FGF12: variants seen among roughly 807,000 people sequenced by gnomAD.
FGF12 encodes fibroblast growth factor 12.
A neutral mutation model predicts 23.6 loss-of-function variants in FGF12; 14 were observed. The ratio of observed to expected loss-of-function variants is 0.59; its 90% confidence interval spans 0.39 to 0.93. FGF12 has a LOEUF of 0.93. Ranked by LOEUF, FGF12 falls within the 40% of genes least tolerant of loss-of-function variation. The probability of loss-of-function intolerance (pLI) is 0.00; values close to 1 mark genes in which losing one functional copy is unlikely to be tolerated. For synonymous variants in FGF12, 62 were observed against 77.3 expected (o/e 0.80, Z 1.04); for missense variants, 175 against 217.8 (o/e 0.80, Z 1.24).
rs146883108 is a variant in FGF12, at chr3:192,179,219, T to TA, written c.229-8564dup. Among the ~76,000 whole-genome samples, 825 of 150,940 alleles carry TA rather than the reference T, an allele frequency of 5.5e-3. 11 individuals are homozygous for TA. Among genetic ancestry groups the TA allele is most frequent in the East Asian group, 0.033 (163 of 4,972 alleles). On this transcript the variant is annotated intron_variant, in intron 4 of 5. Transcript: ENST00000445105. Reference sequence around the variant, plus strand: ...CTAGAACAAGTCTAATTTTATAACTTAAAAAAAACAACTCTGCAGATACGG... The same window carrying TA: ...CTAGAACAAGTCTAATTTTATAACTTAAAAAAAAACAACTCTGCAGATACGG...
intron 2 of FGF12, among the ~76,000 whole-genome samples, chr3:192,578,011 G>A (rs1712981520): frequency 6.6e-6 from 1 of 152,120 alleles, no homozygotes; most frequent in African/African-American, 2.4e-5. Context: ...CTAGTGAAAG[G>A]GGTTATGGTT....
intron 2 of FGF12, among the ~76,000 whole-genome samples, chr3:192,475,242 C>T (rs1292548775): frequency 1.3e-5 from 2 of 152,138 alleles, no homozygotes; most frequent in African/African-American, 4.8e-5. Flanking sequence ...TGAAAGCACG[C>T]CAGGTAACCC....
chr3:192,254,376 AT>A (rs1300079635), intron 4 of FGF12, among the ~76,000 whole-genome samples: 1 of 151,878 alleles, frequency 6.6e-6, no homozygotes, highest in Non-Finnish European at 1.5e-5. Context: ...GCTGAAGTGT[AT>A]TTCATTGTGC....
intron 2 of FGF12, among the ~76,000 whole-genome samples, chr3:192,361,430 C>A (rs2108733657): frequency 6.6e-6 from 1 of 151,998 alleles, no homozygotes; most frequent in South Asian, 2.1e-4. Flanking sequence ...ATTCTAGTGC[C>A]CTTATAGCTC....
intron 2 of FGF12, among the ~76,000 whole-genome samples, chr3:192,641,594 C>T (rs1715810436): frequency 6.6e-6 from 1 of 151,474 alleles, no homozygotes; most frequent in African/African-American, 2.4e-5. Context: ...TTAGTAGAGA[C>T]GGGGTTTCTC....
intron 4 of FGF12, among the ~76,000 whole-genome samples, chr3:192,263,347 G>T (rs1712878326): frequency 1.3e-5 from 2 of 151,852 alleles, no homozygotes; most frequent in Admixed American, 1.3e-4. Flanking sequence ...CTGAAAATAT[G>T]GTCTTTGACT....
chr3:192,703,406 T>G (rs918387028), intron 2 of FGF12, among the ~76,000 whole-genome samples: 1 of 152,250 alleles, frequency 6.6e-6, no homozygotes, highest in Non-Finnish European at 1.5e-5. Context: ...CAGCAATTCG[T>G]AATCTTTTTG....
At chr3:192,353,503 A>G (rs1967622) in intron 3 of FGF12, among the ~76,000 whole-genome samples, 98,187 of 151,334 alleles carry the variant, frequency 0.65, 34,643 homozygotes, top group East Asian at 0.93. Flanking sequence ...CCGAGTAGCC[A>G]GGACTACAGG....
intron 2 of FGF12, among the ~76,000 whole-genome samples, chr3:192,573,488 A>G (rs1304938711): frequency 6.6e-6 from 1 of 152,118 alleles, no homozygotes; most frequent in East Asian, 1.9e-4. Flanking sequence ...TCCCCTGATT[A>G]AGACAGAAAT....
intron 2 of FGF12, among the ~76,000 whole-genome samples, chr3:192,392,131 CTA>C (rs1454596592): frequency 7.9e-5 from 12 of 152,120 alleles, no homozygotes. Context: ...AGATTTTTTC[CTA>C]TGTTTCTATT....
chr3:192,222,146 G>A (rs919426218), intron 4 of FGF12, among the ~76,000 whole-genome samples: 3 of 152,032 alleles, frequency 2.0e-5, no homozygotes, highest in Non-Finnish European at 4.4e-5. Context: ...AAACTTGGTG[G>A]GGTCATCCTG....
chr3:192,462,179 A>G (rs546140575), intron 2 of FGF12, among the ~76,000 whole-genome samples: 3 of 152,230 alleles, frequency 2.0e-5, no homozygotes, highest in African/African-American at 7.2e-5. Flanking sequence ...TCTAATGTCA[A>G]TAAAACAGTG....
At chr3:192,180,451 C>T (rs1027453353) in intron 4 of FGF12, among the ~76,000 whole-genome samples, 2 of 152,166 alleles carry the variant, frequency 1.3e-5, no homozygotes, top group African/African-American at 4.8e-5. Context: ...GTGCACAATA[C>T]GTAATCATGT....
rs1028936951 is a variant in FGF12, at chr3:192,497,218, G to T, written c.14-136680C>A. Among the ~76,000 whole-genome samples the T allele has an allele frequency of 7.2e-5, 11 of 152,198 alleles. No homozygotes were observed. In the East Asian group the frequency reaches 1.2e-3, roughly 16 times the overall value. On this transcript the variant is annotated intron_variant, in intron 2 of 5. Transcript: ENST00000445105. ...AGTAAAAGGTGTCACTCTTCACCTC[G>T]TTGCTCAGGACTGATTACTTGAGTC...
At chr3:192,463,217 G>A (rs552742229) in intron 2 of FGF12, among the ~76,000 whole-genome samples, 10 of 152,192 alleles carry the variant, frequency 6.6e-5, no homozygotes, top group African/African-American at 2.2e-4. Flanking sequence ...CCAGAAGTTC[G>A]AGACCAGCCT....
chr3:192,585,665 C>CAGGAAATG (rs1200118852), intron 2 of FGF12, among the ~76,000 whole-genome samples: 4 of 152,072 alleles, frequency 2.6e-5, no homozygotes, highest in Admixed American at 6.6e-5. Flanking sequence ...TCCTGCTCAG[C>CAGGAAATG]CTTATCTTGC....
At chr3:192,299,446 C>G (rs1019850106) in intron 4 of FGF12, among the ~76,000 whole-genome samples, 24 of 152,076 alleles carry the variant, frequency 1.6e-4, no homozygotes, top group African/African-American at 5.8e-4. Context: ...CTGAAATATT[C>G]CTCAGATTGT....
intron 2 of FGF12, among the ~76,000 whole-genome samples, chr3:192,708,693 G>T (rs1234247413): frequency 1.3e-5 from 2 of 152,156 alleles, no homozygotes; most frequent in Admixed American, 1.3e-4. Context: ...AGCACAGAAA[G>T]AAATCAACAC....
intron 2 of FGF12, among the ~76,000 whole-genome samples, chr3:192,470,234 A>G (rs552907079): frequency 9.8e-5 from 15 of 152,328 alleles, no homozygotes; most frequent in African/African-American, 2.6e-4. Context: ...CAGAAGCTAA[A>G]GGGTAAGAGG....
Sources: gnomAD v4.1 joint callset for allele counts (sites outside exome capture counted in the v4.1 genomes callset) on GRCh38, gnomAD v4.1.1 for gene constraint, MANE v1.5 for transcripts, NCBI Gene and HGNC (gene_info 2026-07-23, HGNC 2026-07-21) for gene names.